The following SLC7A7 variants were observed in gnomAD, a reference collection of about 807,000 sequenced individuals.
The protein encoded by SLC7A7 is Y+L amino acid transporter 1.
Under a neutral mutation model 47.9 loss-of-function variants are expected in SLC7A7, and 39 were observed. That is an observed-to-expected ratio of 0.81 (90% confidence interval 0.63 to 1.06). SLC7A7 has a LOEUF of 1.06. Among genes scored for constraint, SLC7A7 ranks in the 50% least tolerant of loss-of-function variants. SLC7A7 has a pLI of 0.00. For missense variants in SLC7A7, 588 were observed against 632.0 expected (o/e 0.93, Z 0.75); for synonymous variants, 234 against 242.8 (o/e 0.96, Z 0.34).
At chr14:22,788,628 C>G (rs1386858932) in intron 2 of SLC7A7, among the ~76,000 whole-genome samples, 1 of 150,832 alleles carries the variant, frequency 6.6e-6, no homozygotes, top group Non-Finnish European at 1.5e-5. Flanking sequence ...CGCTTGAACC[C>G]GGGAGGTGGA....
intron 2 of SLC7A7, among the ~76,000 whole-genome samples, chr14:22,786,317 A>AAAAC (rs59330535): frequency 0.9 from 136,380 of 151,528 alleles, 61,646 homozygotes; most frequent in East Asian, 0.97. Context: ...ACTCCATCTA[A>AAAAC]AAACAAACAA....
At chr14:22,782,021 G>A (rs531645443) in intron 2 of SLC7A7, among the ~76,000 whole-genome samples, 4 of 152,314 alleles carry the variant, frequency 2.6e-5, no homozygotes, top group African/African-American at 9.6e-5. Flanking sequence ...GAAAAGGAGG[G>A]ATAAGCAACC....
At chr14:22,810,936 C>A (rs1207528017) in intron 2 of SLC7A7, among the ~76,000 whole-genome samples, 2 of 152,146 alleles carry the variant, frequency 1.3e-5, no homozygotes, top group Non-Finnish European at 2.9e-5. Flanking sequence ...CGAGATTGTG[C>A]CATTGCACTC....
chr14:22,773,864 T>A, intron 9 of SLC7A7, 69 bp downstream of exon 9: 1 of 1,599,130 alleles, frequency 6.3e-7, no homozygotes, highest in Non-Finnish European at 8.6e-7. Flanking sequence ...CTTTGGAGGC[T>A]GGATTTACAG....
At position 22,775,584 on chromosome 14, in the gene SLC7A7, C is replaced by T. The variant is rs202099370; in HGVS notation, c.999-44G>A. 1.6e-4 allele frequency: 240 copies of T among 1,526,920 alleles called. 1 individual carries two copies. The highest frequency in any genetic ancestry group is 1.9e-4 in the Non-Finnish European group (211 of 1,100,950). The allele number at this position is 1,526,920 out of a possible 1,614,324, so 94.6% of individuals were successfully genotyped here. The stretch of plus-strand genomic sequence containing the variant: ...GAGAAGCTGAGAAAATTGGTGGACA[C>T]GGTGCAGCCTGGTTCACCTGCCACA... On this transcript the variant is annotated intron_variant, in intron 6 of 9. Transcript: ENST00000674313.
Position 22,773,522 on chromosome 14 carries a change from AAAG to A in SLC7A7, c.*85_*87del, listed in dbSNP as rs748594740. On this transcript the variant is annotated 3_prime_UTR_variant, in exon 10 of 10. Transcript: ENST00000674313. ...GCCAGGCTTCTGGACAGGTGCCTCC[AAAG>A]AAGTGAGCTTTCCTTTTCAACTTCC... 2.5e-6 allele frequency: 3 copies of A among 1,190,808 alleles called. No homozygotes were observed. Among genetic ancestry groups the A allele is most frequent in the Non-Finnish European group, 3.7e-6 (3 of 802,770 alleles). 73.8% of individuals were successfully genotyped at this position (1,190,808 alleles called of 1,614,324 possible). A position where few individuals can be genotyped will look rare whatever the true frequency, so the allele number is the denominator to read the frequency against.
chr14:22,783,167 T>G (rs1311411327), intron 2 of SLC7A7, among the ~76,000 whole-genome samples: 1 of 151,470 alleles, frequency 6.6e-6, no homozygotes, highest in East Asian at 2.0e-4. Context: ...CTCCTGACCT[T>G]GTGATCTGCC....
chr14:22,795,037 G>A (rs971608095), intron 2 of SLC7A7, among the ~76,000 whole-genome samples: 1 of 150,166 alleles, frequency 6.7e-6, no homozygotes, highest in Non-Finnish European at 1.5e-5. Flanking sequence ...GATTTATGTA[G>A]TCAGGGAGTG....
intron 2 of SLC7A7, among the ~76,000 whole-genome samples, chr14:22,805,187 G>A (rs1333910192): frequency 6.6e-6 from 1 of 152,138 alleles, no homozygotes; most frequent in Non-Finnish European, 1.5e-5. Flanking sequence ...CCAAGATGGG[G>A]AAACTCCATA....
rs2038516120 is a variant in SLC7A7 at position 22,773,496 on chromosome 14, G to A, written c.*114C>T. 1 of 856,816 alleles carries A rather than the reference G, an allele frequency of 1.2e-6. No homozygotes were observed. Among genetic ancestry groups the A allele is most frequent in the Non-Finnish European group, 2.0e-6 (1 of 504,198 alleles). The allele number at this position is 856,816 out of a possible 1,614,324, so 53.1% of individuals were successfully genotyped here. On this transcript the variant is annotated 3_prime_UTR_variant, in exon 10 of 10. Transcript: ENST00000674313. ...TAAGTTCAAAGGTTGAAGCTGCCTA[G>A]GCCAGGCTTCTGGACAGGTGCCTCC...
At chr14:22,783,116 T>A in intron 2 of SLC7A7, among the ~76,000 whole-genome samples, 1 of 151,920 alleles carries the variant, frequency 6.6e-6, no homozygotes, top group South Asian at 2.1e-4. Context: ...GTATTTTTAG[T>A]AGAGACAGGG....
intron 2 of SLC7A7, among the ~76,000 whole-genome samples, chr14:22,809,090 T>A (rs924618375): frequency 7.9e-5 from 12 of 152,230 alleles, no homozygotes; most frequent in Admixed American, 7.2e-4. Flanking sequence ...GTGTCACACA[T>A]GTGTGTACAA....
chr14:22,801,449 T>A (rs10135074), intron 2 of SLC7A7, among the ~76,000 whole-genome samples: 30,384 of 151,948 alleles, frequency 0.2, 3,530 homozygotes, highest in African/African-American at 0.31. Flanking sequence ...CTGTGCCTTG[T>A]TCTACCTTGC....
intron 2 of SLC7A7, among the ~76,000 whole-genome samples, chr14:22,798,253 C>T (rs979337497): frequency 6.6e-6 from 1 of 151,730 alleles, no homozygotes; most frequent in African/African-American, 2.4e-5. Context: ...ACTGAGATTA[C>T]GCCACTGCAC....
At chr14:22,784,298 C>A (rs2038772553) in intron 2 of SLC7A7, among the ~76,000 whole-genome samples, 1 of 152,136 alleles carries the variant, frequency 6.6e-6, no homozygotes, top group African/African-American at 2.4e-5. Flanking sequence ...TGCTTTGACC[C>A]CAGGGGGAGA....
At chr14:22,800,280 A>C (rs1029005088) in intron 2 of SLC7A7, among the ~76,000 whole-genome samples, 2 of 152,232 alleles carry the variant, frequency 1.3e-5, no homozygotes, top group African/African-American at 4.8e-5. Context: ...AAACTCCTTA[A>C]TATAGTTGGT....
At chr14:22,818,576 G>GGTT (rs2039436098), upstream of SLC7A7, among the ~76,000 whole-genome samples, 1 of 92,876 alleles carries the variant, frequency 1.1e-5, no homozygotes, top group African/African-American at 4.3e-5. Context: ...TCTACCCCAG[G>GGTT]TTTTTGGTTT....
chr14:22,795,138 T>C (rs1344376565), intron 2 of SLC7A7, among the ~76,000 whole-genome samples: 1 of 143,750 alleles, frequency 7.0e-6, no homozygotes, highest in Non-Finnish European at 1.5e-5. Context: ...TGGAATGCAG[T>C]GGCACAATCT....
chr14:22,793,034 A>G (rs1232897527), intron 2 of SLC7A7, among the ~76,000 whole-genome samples: 1 of 150,464 alleles, frequency 6.6e-6, no homozygotes, highest in Non-Finnish European at 1.5e-5. Flanking sequence ...CTCCTGCCTC[A>G]GCCTCCCAAG....
Sources: gnomAD v4.1 joint callset for allele counts (sites outside exome capture counted in the v4.1 genomes callset) on GRCh38, gnomAD v4.1.1 for gene constraint, MANE v1.5 for transcripts, NCBI Gene and HGNC (gene_info 2026-07-23, HGNC 2026-07-21) for gene names.